Variants in CIT observed in about 807,000 individuals in gnomAD.
CIT encodes the protein citron rho-interacting serine/threonine kinase.
A neutral mutation model predicts 272.7 loss-of-function variants in CIT; 79 were observed. That is an observed-to-expected ratio of 0.29 (90% CI 0.24 to 0.35). The LOEUF is 0.35. Ranked by LOEUF, CIT falls within the 10% of genes least tolerant of loss-of-function variation. The probability of loss-of-function intolerance (pLI) is 1.00; values close to 1 mark genes in which losing one functional copy is unlikely to be tolerated. For synonymous variants in CIT, 948 were observed against 995.6 expected (o/e 0.95, Z 0.90); for missense variants, 1,909 against 2,618.3 (o/e 0.73, Z 5.91).
rs545408964 is a variant in CIT at position 119,694,805 on chromosome 12, C to T, written c.5882+2854G>A. Among the ~76,000 whole-genome samples the T allele has an allele frequency of 1.3e-4, 19 of 150,842 alleles. No homozygotes were observed. The highest frequency in any genetic ancestry group is 3.7e-4 in the African/African-American group (15 of 40,974). On this transcript the variant is annotated intron_variant, in intron 46 of 47. Coordinates refer to ENST00000392521, the MANE Select transcript of CIT (RefSeq NM_001206999.2). This position sits in a 1 kb window ranked among gnomAD's most constrained non-coding sequence, Gnocchi z 4.5. ...CTGGGCACAGAGTGAGACCCTACCT[C>T]GAAAAAAAATAAATAAATAAAAATA... is the stretch of plus-strand genomic sequence containing the variant.
rs1277407990 is a variant in CIT at position 119,734,271 on chromosome 12, T to G, written c.3243A>C (p.Lys1081Asn). The stretch of plus-strand genomic sequence containing the variant: ...TCCTCCAGGCCTCCCACTGCCGCTC[T>G]TTTTCTAGCAGCTCATCGTTTAGGG... ...LEALNDELLE[K>N]ERQWEAWRSV... Residue 1081 changes from lysine (K) to asparagine (N), a missense_variant, in exon 26 of 48, where the codon AAA becomes AAC. Coordinates refer to ENST00000392521, the MANE Select transcript of CIT (RefSeq NM_001206999.2). 20 of 1,613,914 alleles carry G rather than the reference T, an allele frequency of 1.2e-5. No homozygotes were observed. Among genetic ancestry groups the G allele is most frequent in the Non-Finnish European group, 1.7e-5 (20 of 1,179,974 alleles).
chr12:119,718,522 T>C lies in CIT; in HGVS notation c.4004-113A>G. 1 of 1,441,956 alleles carries C rather than the reference T, an allele frequency of 6.9e-7. No individual in the cohort carries two copies. The highest frequency in any genetic ancestry group is 9.4e-7 in the Non-Finnish European group (1 of 1,060,456). 89.3% of individuals were successfully genotyped at this position (1,441,956 alleles called of 1,614,324 possible). A position where few individuals can be genotyped will look rare whatever the true frequency, so the allele number is the denominator to read the frequency against. ...GGACCCAAGACCAAAAGAATATGCG[T>C]CACATCAACTTGGCAATGCACAGGG... On this transcript the variant is annotated intron_variant, in intron 31 of 47. Transcript: ENST00000392521. This position sits in a 1 kb window ranked among gnomAD's most constrained non-coding sequence, Gnocchi z 4.8.
At chr12:119,721,273 A>T (rs746941171) in intron 29 of CIT, 36 bp downstream of exon 29, 2 of 1,572,042 alleles carry the variant, frequency 1.3e-6, no homozygotes, top group Non-Finnish European at 1.7e-6. Context: ...AGCCGTGCAG[A>T]CCATTTTTAA....
intron 7 of CIT, 27 bp downstream of exon 7, chr12:119,832,744 A>T: frequency 6.4e-7 from 1 of 1,563,118 alleles, no homozygotes; most frequent in Non-Finnish European, 8.8e-7. Context: ...TATAAACTCT[A>T]TTAAGCTATC....
intron 10 of CIT, among the ~76,000 whole-genome samples, chr12:119,793,964 C>T (rs1965523384): frequency 6.6e-6 from 1 of 152,176 alleles, no homozygotes; most frequent in Admixed American, 6.5e-5. Flanking sequence ...TCGAACAGCC[C>T]CTAGGACCTC....
chr12:119,820,482 G>A (rs1418164282), intron 9 of CIT, among the ~76,000 whole-genome samples: 7 of 152,116 alleles, frequency 4.6e-5, no homozygotes, highest in African/African-American at 7.2e-5. Flanking sequence ...CCCAGGAGGC[G>A]GAGGTTGCAG....
At chr12:119,789,314 A>G (rs901834142) in intron 10 of CIT, among the ~76,000 whole-genome samples, 5 of 152,200 alleles carry the variant, frequency 3.3e-5, no homozygotes, top group Non-Finnish European at 2.9e-5. Flanking sequence ...AGTTCCATGT[A>G]GCATTTTGGC....
chr12:119,772,982 T>A, intron 16 of CIT, 72 bp from the exon 17 acceptor site: 1 of 1,287,432 alleles, frequency 7.8e-7, no homozygotes, highest in Non-Finnish European at 1.0e-6. Flanking sequence ...CAGTATGTTC[T>A]GCACATGTAT....
rs372950736 is a variant in CIT at position 119,700,118 on chromosome 12, A to G, written c.5623+627T>C. On this transcript the variant is annotated intron_variant, in intron 44 of 47. Transcript: ENST00000392521. ...AAGTGAACAGGTGTTCAGCTATGCCATGGGACACTCTGCAGCCTTTGGAAA... is the reference window on the plus strand; with the variant it reads ...AAGTGAACAGGTGTTCAGCTATGCCGTGGGACACTCTGCAGCCTTTGGAAA... Among the ~76,000 whole-genome samples the G allele has an allele frequency of 3.5e-3, 537 of 152,340 alleles. 4 individuals carry two copies. The highest frequency in any genetic ancestry group is 0.012 in the African/African-American group (507 of 41,566).
At position 119,761,002 on chromosome 12, in the gene CIT, G is replaced by A. The variant is rs1481170453; in HGVS notation, c.2358C>T (p.Asn786=). 4 of 1,614,150 alleles carry A rather than the reference G, an allele frequency of 2.5e-6. No homozygotes were observed. Among genetic ancestry groups the A allele is most frequent in the South Asian group, 2.2e-5 (2 of 91,080 alleles). Reference sequence around the variant, plus strand: ...CCTCCTCCTCGTGTCTCTGCATCATGTTCTCCAGTGTCTCCTTGTCAGCCA... The same window carrying A: ...CCTCCTCCTCGTGTCTCTGCATCATATTCTCCAGTGTCTCCTTGTCAGCCA... The part of the protein sequence containing the change: ...KDLADKETLE[N]MMQRHEEEAH... The change falls in exon 20 of 48, where the codon AAC becomes AAT. Residue 786 remains asparagine, a synonymous_variant. Transcript: ENST00000392521.
rs1457707338 is a variant in CIT, at chr12:119,712,146, A to C, written c.4854+32T>G. 2 of 1,545,210 alleles carry C rather than the reference A, an allele frequency of 1.3e-6. No individual in the cohort carries two copies. Among genetic ancestry groups the C allele is most frequent in the South Asian group, 2.5e-5 (2 of 80,244 alleles). ...GTTACCAAGTCAGCCCCCTTTACAAAGACAACCTCCAGGGCCCGCTTTCAT... is the reference window on the plus strand; with the variant it reads ...GTTACCAAGTCAGCCCCCTTTACAACGACAACCTCCAGGGCCCGCTTTCAT... On this transcript the variant is annotated intron_variant, in intron 37 of 47. Coordinates refer to ENST00000392521, the MANE Select transcript of CIT (RefSeq NM_001206999.2). This position sits in a 1 kb window ranked among gnomAD's most constrained non-coding sequence, Gnocchi z 5.2.
At chr12:119,752,286 T>C (rs1396603958) in intron 22 of CIT, 39 bp from the exon 23 acceptor site, 1 of 1,547,776 alleles carries the variant, frequency 6.5e-7, no homozygotes, top group Admixed American at 1.8e-5. Flanking sequence ...GATAAACCCT[T>C]GCTTGGTCTG....
intron 41 of CIT, among the ~76,000 whole-genome samples, chr12:119,703,018 TAAAG>T (rs1355936788): frequency 6.6e-6 from 1 of 152,194 alleles, no homozygotes; most frequent in Non-Finnish European, 1.5e-5. Flanking sequence ...CCGGGAATCA[TAAAG>T]AAGCAATGAT....
Position 119,757,362 on chromosome 12 carries a change from C to T in CIT, c.2706+9G>A, listed in dbSNP as rs573766560. The T allele has an allele frequency of 6.6e-5, 107 of 1,613,478 alleles. No homozygotes were observed. The highest frequency in any genetic ancestry group is 3.1e-4 in the South Asian group (28 of 91,022). On this transcript the variant is annotated intron_variant, in intron 22 of 47. Transcript: ENST00000392521. ...CAAATCCTCCCAGGAGATGACTCCT[C>T]GCTCTCACCTCCCGCAATCTTGTCT...
Position 119,720,577 on chromosome 12 carries a change from A to G in CIT, c.3741T>C (p.Tyr1247=). The part of the protein sequence containing the change: ...EYQLENIQVL[Y]SHEKVKMEGT... ...CTTCCATTTTCACCTTTTCATGAGA[A>G]TAGAGAACCTAAAATTCAAGAAAAC... The change falls in exon 30 of 48, where the codon TAT becomes TAC. Residue 1247 remains tyrosine (Y), a synonymous_variant. Coordinates refer to ENST00000392521, the MANE Select transcript of CIT (RefSeq NM_001206999.2). 6.3e-7 allele frequency: 1 copy of G among 1,593,230 alleles called. No homozygotes were observed. Among genetic ancestry groups the G allele is most frequent in the South Asian group, 1.1e-5 (1 of 87,184 alleles).
In CIT at chr12:119,735,229, C is replaced by T. The variant is rs1288828158; in HGVS notation, c.3087G>A (p.Leu1029=). ...GGCGGAGATGGTCCACTTCACTTCG[C>T]AGTTGTACAATCTCGTCGTTGGCGC... is the stretch of plus-strand genomic sequence containing the variant. ...ASGANDEIVQ[L]RSEVDHLRRE... The change falls in exon 25 of 48, where the codon CTG becomes CTA. Residue 1029 remains leucine (L), a synonymous_variant. Transcript: ENST00000392521. 4 of 1,614,086 alleles carry T rather than the reference C, an allele frequency of 2.5e-6. No individual in the cohort carries two copies. The African/African-American group carries it at 4.0e-5, about 16-fold the overall frequency.
chr12:119,766,821 A>G (rs1962507046), intron 19 of CIT, among the ~76,000 whole-genome samples: 1 of 152,082 alleles, frequency 6.6e-6, no homozygotes, highest in African/African-American at 2.4e-5. Context: ...ATTAAATGAC[A>G]ATGAGTTTAA....
At chr12:119,698,095 G>C in intron 44 of CIT, 41 bp from the exon 45 acceptor site, 1 of 1,567,964 alleles carries the variant, frequency 6.4e-7, no homozygotes, top group Non-Finnish European at 8.8e-7. Context: ...GCCAAAGAAT[G>C]GTGAAAAGAG....
intron 9 of CIT, among the ~76,000 whole-genome samples, chr12:119,806,706 G>A (rs921736571): frequency 1.4e-5 from 2 of 141,960 alleles, no homozygotes; most frequent in Non-Finnish European, 3.0e-5. Context: ...TACACCTTAC[G>A]GGTGCAACAA....
Sources: allele counts gnomAD v4.1 joint callset (sites outside exome capture counted in the v4.1 genomes callset), GRCh38; gene constraint gnomAD v4.1.1; non-coding constraint Gnocchi (gnomAD v3.1); transcripts MANE v1.5; gene names NCBI Gene and HGNC (gene_info 2026-07-23, HGNC 2026-07-21).